Variants in PANK3 observed in about 807,000 individuals in gnomAD.
PANK3 encodes pantothenate kinase 3, also known as hPanK3.
PANK3 carries 20 observed loss-of-function variants against 39.4 expected under a neutral mutation model. The ratio of observed to expected loss-of-function variants is 0.51; its 90% CI spans 0.36 to 0.74. The LOEUF (loss-of-function observed/expected upper bound fraction) is 0.74. PANK3 is among the 30% of genes least tolerant of loss of function. The probability of loss-of-function intolerance (pLI) is 0.00; values close to 1 mark genes in which losing one functional copy is unlikely to be tolerated. For missense variants in PANK3, 265 were observed against 437.0 expected (o/e 0.61, Z 3.51); for synonymous variants, 140 against 157.3 (o/e 0.89, Z 0.82).
intron 5 of PANK3, among the ~76,000 whole-genome samples, chr5:168,559,618 T>C (rs1435692314): frequency 6.6e-6 from 1 of 152,184 alleles, no homozygotes; most frequent in Non-Finnish European, 1.5e-5. Flanking sequence ...GCAGATGATT[T>C]CAGGTGAGAT....
chr5:168,559,909 TTC>T (rs2113107941), intron 5 of PANK3, among the ~76,000 whole-genome samples: 1 of 152,308 alleles, frequency 6.6e-6, no homozygotes, highest in African/African-American at 2.4e-5. Flanking sequence ...CATCAAATCA[TTC>T]TCTCTCTGCA....
In PANK3 at chr5:168,579,308, C is replaced by A; in HGVS notation, c.-25G>T. On this transcript the variant is annotated 5_prime_UTR_variant, in exon 1 of 7. Transcript: ENST00000239231. ...TGGCGTCGGCCCGAGGGGCGATGGACGGCCTCCGATCCGGGGCACTGAGAG... is the reference window on the plus strand; with the variant it reads ...TGGCGTCGGCCCGAGGGGCGATGGAAGGCCTCCGATCCGGGGCACTGAGAG... 1 of 1,470,238 alleles carries A rather than the reference C, an allele frequency of 6.8e-7. No homozygotes were observed. Among genetic ancestry groups the A allele is most frequent in the Non-Finnish European group, 9.0e-7 (1 of 1,105,834 alleles). The allele number at this position is 1,470,238 out of a possible 1,614,324, so 91.1% of individuals were successfully genotyped here.
At chr5:168,559,192 A>G (rs766753042) in intron 5 of PANK3, 35 bp from the exon 6 acceptor site, 1 of 1,326,220 alleles carries the variant, frequency 7.5e-7, no homozygotes. Flanking sequence ...ACTTGTAAAA[A>G]TAATAGATTT....
At chr5:168,569,271 G>A (rs1337606502) in intron 1 of PANK3, among the ~76,000 whole-genome samples, 3 of 135,934 alleles carry the variant, frequency 2.2e-5, no homozygotes, top group Admixed American at 8.2e-5. Flanking sequence ...TGCAAACTCC[G>A]CCTCCCGGGT....
rs910809939 is a variant in PANK3, at chr5:168,549,133, A to G, written c.*8438T>C. On this transcript the variant is annotated 3_prime_UTR_variant, in exon 7 of 7. Transcript: ENST00000239231. ...AATAAAAAGTAAAAGCACACAGTGT[A>G]TAAAAAATAATAAAAACCATCTTAA... The G allele has an allele frequency of 1.3e-5, 2 of 152,356 alleles. No homozygotes were observed. Among genetic ancestry groups the G allele is most frequent in the South Asian group, 4.1e-4 (2 of 4,828 alleles). 9.4% of individuals were successfully genotyped at this position (152,356 alleles called of 1,614,324 possible).
In PANK3 at chr5:168,552,942, G is replaced by T; in HGVS notation, c.*4629C>A. The T allele has an allele frequency of 4.8e-6, 1 of 209,910 alleles. No homozygotes were observed. Among genetic ancestry groups the T allele is most frequent in the South Asian group, 8.6e-5 (1 of 11,630 alleles). The allele number at this position is 209,910 out of a possible 1,614,324, so 13.0% of individuals were successfully genotyped here. A position where few individuals can be genotyped will look rare whatever the true frequency, so the allele number is the denominator to read the frequency against. On this transcript the variant is annotated 3_prime_UTR_variant, in exon 7 of 7. Transcript: ENST00000239231. ...AAATGACAGTGGGTTGTTGGTAGCT[G>T]GGTACTCTAAAGAGCGCCAGTGTAG...
rs1316367071 is a variant in PANK3, at chr5:168,551,465, T to C, written c.*6106A>G. The C allele has an allele frequency of 6.6e-6, 1 of 152,202 alleles. No homozygotes were observed. The highest frequency in any genetic ancestry group is 1.5e-5 in the Non-Finnish European group (1 of 68,032). 9.4% of individuals were successfully genotyped at this position (152,202 alleles called of 1,614,324 possible). A position where few individuals can be genotyped will look rare whatever the true frequency, so the allele number is the denominator to read the frequency against. ...TTAAACAGTGAATTTCTAAACTACA[T>C]TCTCAAATGCAATAGACTAAAATGC... On this transcript the variant is annotated 3_prime_UTR_variant, in exon 7 of 7. Transcript: ENST00000239231.
rs1360830419 is a variant in PANK3, at chr5:168,549,916, T to C, written c.*7655A>G. The C allele has an allele frequency of 6.6e-6, 1 of 152,162 alleles. No individual in the cohort carries two copies. Among genetic ancestry groups the C allele is most frequent in the East Asian group, 1.9e-4 (1 of 5,196 alleles). 9.4% of individuals were successfully genotyped at this position (152,162 alleles called of 1,614,324 possible). On this transcript the variant is annotated 3_prime_UTR_variant, in exon 7 of 7. Coordinates refer to ENST00000239231, the MANE Select transcript of PANK3 (RefSeq NM_024594.4). ...AGGTGTGTGCCAACAAGCCTGGCTA[T>C]TTTTTGTATTTTTAGTAGAGACATG...
chr5:168,557,679 T>C (rs1041671019), intron 6 of PANK3, 58 bp from the exon 7 acceptor site: 2 of 1,372,040 alleles, frequency 1.5e-6, no homozygotes, highest in East Asian at 2.3e-5. Context: ...CATATAATAT[T>C]AACCACTTGA....
intron 2 of PANK3, among the ~76,000 whole-genome samples, chr5:168,567,076 G>A (rs955718734): frequency 6.6e-6 from 1 of 152,180 alleles, no homozygotes; most frequent in Non-Finnish European, 1.5e-5. Flanking sequence ...AAATTTGCTA[G>A]GAATTGAACC....
chr5:168,570,005 G>C (rs1302242333), intron 1 of PANK3, among the ~76,000 whole-genome samples: 1 of 152,070 alleles, frequency 6.6e-6, no homozygotes, highest in African/African-American at 2.4e-5. Context: ...AGCCATGTTT[G>C]CACCACTACA....
In PANK3 at chr5:168,551,366, C is replaced by T. The variant is rs1397743773; in HGVS notation, c.*6205G>A. 2.0e-5 allele frequency: 3 copies of T among 152,118 alleles called. No homozygotes were observed. Among genetic ancestry groups the T allele is most frequent in the Non-Finnish European group, 2.9e-5 (2 of 68,016 alleles). The allele number at this position is 152,118 out of a possible 1,614,324, so 9.4% of individuals were successfully genotyped here. On this transcript the variant is annotated 3_prime_UTR_variant, in exon 7 of 7. Transcript: ENST00000239231. The stretch of plus-strand genomic sequence containing the variant: ...ATTTCTAATGTTTTGTTCACACCCA[C>T]CACAAAACAGTTAAGTTAAATTCAA...
intron 1 of PANK3, among the ~76,000 whole-genome samples, chr5:168,574,632 T>C (rs1759702709): frequency 1.3e-5 from 2 of 152,052 alleles, no homozygotes; most frequent in African/African-American, 2.4e-5. Context: ...GAGGCCGAGG[T>C]GGGTGGATCA....
chr5:168,562,619 T>G (rs1759464673), intron 4 of PANK3, among the ~76,000 whole-genome samples: 1 of 152,152 alleles, frequency 6.6e-6, no homozygotes, highest in African/African-American at 2.4e-5. Context: ...ATTTAAAATA[T>G]TTAGGAATCA....
rs1759398211 is a variant in PANK3 at position 168,558,944 on chromosome 5, A to C, written c.1062+88T>G. 20 of 1,313,004 alleles carry C rather than the reference A, an allele frequency of 1.5e-5. No homozygotes were observed. The Middle Eastern group carries it at 1.1e-3, about 72-fold the overall frequency. The allele number at this position is 1,313,004 out of a possible 1,614,324, so 81.3% of individuals were successfully genotyped here. On this transcript the variant is annotated intron_variant, in intron 6 of 6. Transcript: ENST00000239231. ...GGCTGCAGTAAGCCATCATTGTGCC[A>C]CTAAACTCAAGCCTGAGTGACAGAG...
At chr5:168,572,871 G>A (rs758526751) in intron 1 of PANK3, among the ~76,000 whole-genome samples, 7 of 152,070 alleles carry the variant, frequency 4.6e-5, no homozygotes, top group Non-Finnish European at 8.8e-5. Flanking sequence ...TGCTTCGAGT[G>A]GGATTAGGGG....
chr5:168,552,900 G>T lies in PANK3; in HGVS notation c.*4671C>A. ...CATTGATTCCAGAGAGCTACTGAGA[G>T]AGCTGGAGCATGATGGAAATGACAG... On this transcript the variant is annotated 3_prime_UTR_variant, in exon 7 of 7. Transcript: ENST00000239231. 4.8e-6 allele frequency: 1 copy of T among 208,790 alleles called. No individual in the cohort carries two copies. Among genetic ancestry groups the T allele is most frequent in the South Asian group, 9.2e-5 (1 of 10,914 alleles). 12.9% of individuals were successfully genotyped at this position (208,790 alleles called of 1,614,324 possible).
In PANK3 at chr5:168,551,761, C is replaced by T. The variant is rs1377214139; in HGVS notation, c.*5810G>A. ...ACATTATAGCAATCACATGTACACT[C>T]AAAGGTAAAAGAAAAAAAACCTCAG... On this transcript the variant is annotated 3_prime_UTR_variant, in exon 7 of 7. Transcript: ENST00000239231. 1.3e-5 allele frequency: 2 copies of T among 151,982 alleles called. No homozygotes were observed. Among genetic ancestry groups the T allele is most frequent in the Non-Finnish European group, 2.9e-5 (2 of 67,992 alleles). The allele number at this position is 151,982 out of a possible 1,614,324, so 9.4% of individuals were successfully genotyped here.
chr5:168,561,176 A>T (rs1189151412), intron 5 of PANK3, among the ~76,000 whole-genome samples: 3 of 152,138 alleles, frequency 2.0e-5, no homozygotes, highest in African/African-American at 7.2e-5. Context: ...TTCTGAATAA[A>T]TTTCTCCTAT....
Sources: allele counts gnomAD v4.1 joint callset (sites outside exome capture counted in the v4.1 genomes callset), GRCh38; gene constraint gnomAD v4.1.1; transcripts MANE v1.5; gene names NCBI Gene and HGNC (gene_info 2026-07-23, HGNC 2026-07-21).